The following SGCD variants were observed in gnomAD, a reference collection of about 807,000 sequenced individuals.
SGCD encodes the protein delta-sarcoglycan.
SGCD carries 18 observed loss-of-function variants against 36.6 expected under a neutral mutation model. The ratio of observed to expected loss-of-function variants is 0.49; its 90% CI spans 0.34 to 0.73. The LOEUF (loss-of-function observed/expected upper bound fraction) is 0.73, where lower values mean the gene tolerates loss of function less well. SGCD is among the 30% of genes least tolerant of loss of function. The pLI is 0.01. For missense variants in SGCD, 387 were observed against 346.7 expected (o/e 1.12, Z -0.92); for synonymous variants, 133 against 130.6 (o/e 1.02, Z -0.12).
chr5:156,030,307 G>A (rs777127661), intron 1 of SGCD, among the ~76,000 whole-genome samples: 2 of 152,164 alleles, frequency 1.3e-5, no homozygotes, highest in African/African-American at 4.8e-5. Context: ...TCAAGTTAAG[G>A]CGAGGTCATA....
chr5:156,010,710 A>T (rs911681249), intron 1 of SGCD, among the ~76,000 whole-genome samples: 2 of 152,220 alleles, frequency 1.3e-5, no homozygotes, highest in Non-Finnish European at 2.9e-5. Flanking sequence ...ATGGAGGTGC[A>T]CTTCTAATAT....
chr5:155,829,632 A>G, the SGCD span, among the ~76,000 whole-genome samples: 2 of 152,226 alleles, frequency 1.3e-5, no homozygotes, highest in Non-Finnish European at 1.5e-5. Context: ...TTTTTGTAAG[A>G]TAACTCATAG....
intron 3 of SGCD, among the ~76,000 whole-genome samples, chr5:156,397,198 G>A (rs746400208): frequency 7.9e-5 from 12 of 152,122 alleles, no homozygotes; most frequent in Non-Finnish European, 1.3e-4. Flanking sequence ...AGGAGGGAGA[G>A]AATGAAGTTT....
chr5:156,571,731 T>A (rs1759731770), intron 4 of SGCD, among the ~76,000 whole-genome samples: 1 of 152,152 alleles, frequency 6.6e-6, no homozygotes, highest in Non-Finnish European at 1.5e-5. Flanking sequence ...AAGATGATAA[T>A]CCCCCAAAAC....
chr5:155,774,317 T>G, the SGCD span, among the ~76,000 whole-genome samples: 1 of 152,176 alleles, frequency 6.6e-6, no homozygotes, highest in East Asian at 1.9e-4. Context: ...GCCGGGGTAC[T>G]TTGGTAACAT....
chr5:156,722,566 C>T (rs1372568982), intron 7 of SGCD, among the ~76,000 whole-genome samples: 2 of 152,214 alleles, frequency 1.3e-5, no homozygotes, highest in African/African-American at 2.4e-5. Context: ...TCAAGCTCCC[C>T]TTATCACACT....
chr5:156,408,241 C>T (rs553220007), intron 3 of SGCD, among the ~76,000 whole-genome samples: 85 of 152,132 alleles, frequency 5.6e-4, no homozygotes, highest in African/African-American at 2.0e-3. Flanking sequence ...CCAGTAACAA[C>T]AAAATGAGGA....
intron 1 of SGCD, among the ~76,000 whole-genome samples, chr5:156,038,027 A>G (rs1759541882): frequency 6.6e-6 from 1 of 152,190 alleles, no homozygotes; most frequent in Non-Finnish European, 1.5e-5. Flanking sequence ...TAACTGTCCT[A>G]TCTTAAACTT....
chr5:156,211,607 CAAA>C (rs75891963), intron 3 of SGCD, among the ~76,000 whole-genome samples: 2 of 57,422 alleles, frequency 3.5e-5, no homozygotes, highest in Non-Finnish European at 6.9e-5. Flanking sequence ...GACTCAGACT[CAAA>C]AAAAAAAAAA....
chr5:156,036,323 A>C (rs1759495257), intron 1 of SGCD, among the ~76,000 whole-genome samples: 1 of 152,164 alleles, frequency 6.6e-6, no homozygotes, highest in South Asian at 2.1e-4. Context: ...TTTTAAAGGC[A>C]GGGGTACATT....
intron 3 of SGCD, among the ~76,000 whole-genome samples, chr5:156,493,480 A>G (rs995222129): frequency 2.0e-5 from 3 of 152,110 alleles, no homozygotes; most frequent in African/African-American, 7.2e-5. Context: ...TGGGTTCCCT[A>G]TGGATTTTTA....
At chr5:155,867,764 A>G (rs1755550718), upstream of SGCD, among the ~76,000 whole-genome samples, 1 of 152,222 alleles carries the variant, frequency 6.6e-6, no homozygotes, top group Admixed American at 6.5e-5. Flanking sequence ...GTGAGATGTT[A>G]TTCTCTAGGC....
intron 7 of SGCD, among the ~76,000 whole-genome samples, chr5:156,694,163 A>G (rs1011897719): frequency 6.6e-6 from 1 of 152,172 alleles, no homozygotes; most frequent in Non-Finnish European, 1.5e-5. Context: ...TACATTGTCT[A>G]ATTAAAGTTT....
intron 3 of SGCD, among the ~76,000 whole-genome samples, chr5:156,445,404 A>T (rs1355580548): frequency 6.6e-6 from 1 of 152,180 alleles, no homozygotes; most frequent in Non-Finnish European, 1.5e-5. Context: ...TGTATTTTGA[A>T]GTGTATTTAT....
chr5:156,528,867 A>G (rs191191388), intron 4 of SGCD, among the ~76,000 whole-genome samples: 6 of 152,310 alleles, frequency 3.9e-5, no homozygotes, highest in Non-Finnish European at 7.4e-5. Context: ...GTTTCTCATC[A>G]TCATCACTAT....
At chr5:156,449,923 C>T (rs374078842) in intron 3 of SGCD, among the ~76,000 whole-genome samples, 5 of 150,842 alleles carry the variant, frequency 3.3e-5, no homozygotes, top group African/African-American at 7.3e-5. Flanking sequence ...GCTATCAACT[C>T]TGTGTGTGCA....
At chr5:155,932,098 A>T (rs935607625) in intron 1 of SGCD, among the ~76,000 whole-genome samples, 3 of 152,158 alleles carry the variant, frequency 2.0e-5, no homozygotes, top group African/African-American at 7.2e-5. Flanking sequence ...TTGGGGGTTA[A>T]GATTTCAACA....
At chr5:156,259,164 T>G (rs1765789434) in intron 3 of SGCD, among the ~76,000 whole-genome samples, 1 of 147,726 alleles carries the variant, frequency 6.8e-6, no homozygotes, top group African/African-American at 2.5e-5. Flanking sequence ...TAACCATCCT[T>G]GAGGGTGTGA....
chr5:156,274,384 C>T (rs1766262702), intron 3 of SGCD, among the ~76,000 whole-genome samples: 2 of 152,042 alleles, frequency 1.3e-5, no homozygotes, highest in Non-Finnish European at 2.9e-5. Context: ...GTCATCCCCC[C>T]TCCAACTCTC....
Sources: allele counts gnomAD v4.1 joint callset (sites outside exome capture counted in the v4.1 genomes callset), GRCh38; gene constraint gnomAD v4.1.1; transcripts MANE v1.5; gene names NCBI Gene and HGNC (gene_info 2026-07-23, HGNC 2026-07-21).